SESTD1: variants seen among roughly 807,000 people sequenced by gnomAD.
SESTD1 encodes the protein SEC14 and spectrin domain containing 1.
In SESTD1, 43 loss-of-function variants were observed where a neutral mutation model predicts 101.7. The ratio of observed to expected loss-of-function variants is 0.42; its 90% CI spans 0.33 to 0.55. The LOEUF is 0.55. SESTD1 is among the 20% of genes least tolerant of loss of function. SESTD1 has a pLI of 0.07. For synonymous variants in SESTD1, 283 were observed against 286.8 expected, an observed-to-expected ratio of 0.99 and a Z score of 0.13; for missense variants, 647 against 815.1, an observed-to-expected ratio of 0.79 and a Z score of 2.51.
intron 1 of SESTD1, among the ~76,000 whole-genome samples, chr2:179,232,014 C>T (rs765181547): frequency 9.9e-5 from 15 of 151,944 alleles, no homozygotes; most frequent in Non-Finnish European, 2.2e-4. Flanking sequence ...ACTGAAAACA[C>T]TTATAAACTG....
intron 8 of SESTD1, among the ~76,000 whole-genome samples, chr2:179,145,213 A>G (rs553005343): frequency 2.0e-5 from 3 of 152,222 alleles, no homozygotes; most frequent in Admixed American, 2.0e-4. Flanking sequence ...TACTTTGACA[A>G]TTGTCACCCT....
At chr2:179,153,481 A>AACAC (rs1055217971) in intron 5 of SESTD1, among the ~76,000 whole-genome samples, 1 of 152,078 alleles carries the variant, frequency 6.6e-6, no homozygotes, top group South Asian at 2.1e-4. Context: ...ATTTTAAATG[A>AACAC]ACACACACAC....
In SESTD1 at chr2:179,103,279, ACT is replaced by A. The variant is rs1217231933; in HGVS notation, c.*6618_*6619del. On this transcript the variant is annotated 3_prime_UTR_variant, in exon 18 of 18. Transcript: ENST00000428443. The stretch of plus-strand genomic sequence containing the variant: ...ATGAACAATGCCATTGTTATTCCAA[ACT>A]CACTTCTTCTAATACTTCAATATGG... 3 of 151,976 alleles carry A rather than the reference ACT, an allele frequency of 2.0e-5. No individual in the cohort carries two copies. Among genetic ancestry groups the A allele is most frequent in the African/African-American group, 7.3e-5 (3 of 41,344 alleles). 9.4% of individuals were successfully genotyped at this position (151,976 alleles called of 1,614,324 possible).
At position 179,143,572 on chromosome 2, in the gene SESTD1, T is replaced by C. The variant is rs749147522; in HGVS notation, c.849+20A>G. Reference sequence around the variant, plus strand: ...ATAAGGAATTAAAAAGAGTTAAATATATTCAAATCAGACACCTACCTGCAT... The same window carrying C: ...ATAAGGAATTAAAAAGAGTTAAATACATTCAAATCAGACACCTACCTGCAT... On this transcript the variant is annotated intron_variant, in intron 9 of 17. Coordinates refer to ENST00000428443, the MANE Select transcript of SESTD1 (RefSeq NM_178123.5). The C allele has an allele frequency of 3.7e-6, 6 of 1,605,664 alleles. No individual in the cohort carries two copies. Among genetic ancestry groups the C allele is most frequent in the East Asian group, 4.5e-5 (2 of 44,836 alleles).
intron 1 of SESTD1, among the ~76,000 whole-genome samples, chr2:179,221,775 AG>A (rs1322681297): frequency 4.0e-5 from 6 of 151,752 alleles, no homozygotes; most frequent in Non-Finnish European, 8.8e-5. Flanking sequence ...AAAATTAGCC[AG>A]GCATGGTGGT....
intron 1 of SESTD1, among the ~76,000 whole-genome samples, chr2:179,238,427 T>C (rs955813183): frequency 2.0e-5 from 3 of 152,120 alleles, no homozygotes; most frequent in African/African-American, 2.4e-5. Flanking sequence ...AATTCTTAGA[T>C]TCCATAAAAA....
intron 1 of SESTD1, among the ~76,000 whole-genome samples, chr2:179,255,392 T>C (rs949191504): frequency 1.3e-5 from 2 of 152,116 alleles, no homozygotes; most frequent in Non-Finnish European, 2.9e-5. Context: ...AACATACGAA[T>C]GATAAGAAAG....
intron 9 of SESTD1, among the ~76,000 whole-genome samples, chr2:179,135,852 T>C (rs958446231): frequency 4.6e-5 from 7 of 152,180 alleles, no homozygotes; most frequent in African/African-American, 1.7e-4. Flanking sequence ...GCTATAACTT[T>C]CTATTGGCTA....
chr2:179,125,541 G>T (rs952699378), intron 10 of SESTD1, among the ~76,000 whole-genome samples: 3 of 152,152 alleles, frequency 2.0e-5, no homozygotes, highest in Non-Finnish European at 4.4e-5. Context: ...CCTCACATCA[G>T]AAGGGTAACG....
intron 10 of SESTD1, among the ~76,000 whole-genome samples, chr2:179,128,076 T>C (rs930183116): frequency 2.0e-5 from 3 of 152,190 alleles, no homozygotes; most frequent in Non-Finnish European, 2.9e-5. Context: ...TTATTAAAAA[T>C]GTCTAAGCTT....
rs2045329287 is a variant in SESTD1 at position 179,143,635 on chromosome 2, C to T, written c.806G>A (p.Ser269Asn). 1.9e-6 allele frequency: 3 copies of T among 1,613,906 alleles called. No individual in the cohort carries two copies. Among genetic ancestry groups the T allele is most frequent in the East Asian group, 2.2e-5 (1 of 44,874 alleles). Residue 269 changes from serine (S) to asparagine (N), a missense_variant, in exon 9 of 18, where the codon AGC becomes AAC. Transcript: ENST00000428443. ...AATCTCTTCTAACTGTGTGCGCTTGCTACGTTGCCTACAAACTTCCTGGTA... is the reference window on the plus strand; with the variant it reads ...AATCTCTTCTAACTGTGTGCGCTTGTTACGTTGCCTACAAACTTCCTGGTA... ...TRYQEVCRQRSKRTQLEEIQQ... is the reference protein window; with the variant it reads ...TRYQEVCRQRNKRTQLEEIQQ...
Position 179,106,082 on chromosome 2 carries a change from C to G in SESTD1, c.*3817G>C, listed in dbSNP as rs753778062. The G allele has an allele frequency of 2.0e-5, 3 of 152,132 alleles. No individual in the cohort carries two copies. The highest frequency in any genetic ancestry group is 7.2e-5 in the African/African-American group (3 of 41,422). 9.4% of individuals were successfully genotyped at this position (152,132 alleles called of 1,614,324 possible). A position where few individuals can be genotyped will look rare whatever the true frequency, so the allele number is the denominator to read the frequency against. ...GAAGCTTTTCATTTTTAGGACTGAA[C>G]GTTAACAATAAGTCTACTAATTAGG... On this transcript the variant is annotated 3_prime_UTR_variant, in exon 18 of 18. Transcript: ENST00000428443.
intron 1 of SESTD1, among the ~76,000 whole-genome samples, chr2:179,245,201 T>C (rs2047211241): frequency 6.6e-6 from 1 of 151,858 alleles, no homozygotes; most frequent in Non-Finnish European, 1.5e-5. Context: ...CAAGACCCTG[T>C]CTCTACAAAA....
chr2:179,234,307 T>C (rs2047029915), intron 1 of SESTD1, among the ~76,000 whole-genome samples: 1 of 152,114 alleles, frequency 6.6e-6, no homozygotes, highest in South Asian at 2.1e-4. Context: ...TGTAAGCAAA[T>C]CCCTTTAAAT....
rs778678557 is a variant in SESTD1, at chr2:179,121,824, T to C, written c.1388A>G (p.Glu463Gly). 8 of 1,609,552 alleles carry C rather than the reference T, an allele frequency of 5.0e-6. No homozygotes were observed. Among genetic ancestry groups the C allele is most frequent in the Non-Finnish European group, 6.8e-6 (8 of 1,177,966 alleles). The change falls in exon 13 of 18, where the codon GAA becomes GGA. Residue 463 changes from glutamate to glycine, a missense_variant. Around this residue, in one of 3 missense-constraint regions of SESTD1, gnomAD observed 476 missense variants for 562.6 expected, o/e 0.85. Transcript: ENST00000428443. Reference sequence around the variant, plus strand: ...CACTCCTTGTATGTGGTCCACATTTTCTTTATTTTCAATGGTTACATCCTT... The same window carrying C: ...CACTCCTTGTATGTGGTCCACATTTCCTTTATTTTCAATGGTTACATCCTT... ...YGKDVTIENK[E>G]NVDHIQGVME...
At chr2:179,149,447 T>G (rs1344795278) in intron 6 of SESTD1, 53 bp from the exon 7 acceptor site, 2 of 1,214,860 alleles carry the variant, frequency 1.6e-6, no homozygotes, top group African/African-American at 1.6e-5. Flanking sequence ...AATTAATATG[T>G]AATAAGGATT....
intron 1 of SESTD1, among the ~76,000 whole-genome samples, chr2:179,236,436 A>G (rs2047067465): frequency 6.6e-6 from 1 of 151,910 alleles, no homozygotes. Context: ...GTTTGAGGTT[A>G]CAATGAGCTA....
intron 5 of SESTD1, among the ~76,000 whole-genome samples, chr2:179,159,185 T>C (rs540994310): frequency 6.6e-6 from 1 of 152,200 alleles, no homozygotes; most frequent in South Asian, 2.1e-4. Context: ...AGGATCAGCA[T>C]GTGTAAGAGG....
rs886551379 is a variant in SESTD1 at position 179,202,969 on chromosome 2, T to C, written c.-25-11103A>G. On this transcript the variant is annotated intron_variant, in intron 1 of 17. Coordinates refer to ENST00000428443, the MANE Select transcript of SESTD1 (RefSeq NM_178123.5). ...ATGCCCTAGGCATGCCAGACAGCAG[T>C]TGGAAGATGAGACCTCCACCTCATT... is the stretch of plus-strand genomic sequence containing the variant. Among the ~76,000 whole-genome samples, 4 of 134,484 alleles carry C rather than the reference T, an allele frequency of 3.0e-5. 1 individual carries two copies. The highest frequency in any genetic ancestry group is 4.8e-5 in the Non-Finnish European group (3 of 62,562). 88.2% of individuals were successfully genotyped at this position (134,484 alleles called of 152,430 possible).
Sources: allele counts gnomAD v4.1 joint callset (sites outside exome capture counted in the v4.1 genomes callset), GRCh38; gene constraint gnomAD v4.1.1; regional missense constraint gnomAD v4.1.1; transcripts MANE v1.5; gene names NCBI Gene and HGNC (gene_info 2026-07-23, HGNC 2026-07-21).